TENM3: variants seen among roughly 807,000 people sequenced by gnomAD.
The protein encoded by TENM3 is teneurin transmembrane protein 3.
A neutral mutation model predicts 255.1 loss-of-function variants in TENM3; 63 were observed. That is an observed-to-expected ratio of 0.25 (90% CI 0.20 to 0.30). The LOEUF is 0.30. Among genes scored for constraint, TENM3 ranks in the 10% least tolerant of loss-of-function variants. TENM3 has a pLI of 1.00. For missense variants in TENM3, 2,929 were observed against 3,461.1 expected, an observed-to-expected ratio of 0.85 and a Z score of 3.86; for synonymous variants, 1,306 against 1,322.3, an observed-to-expected ratio of 0.99 and a Z score of 0.27.
the TENM3 span, among the ~76,000 whole-genome samples, chr4:181,920,674 T>G: frequency 1.1e-3 from 167 of 151,782 alleles, 1 homozygote; most frequent in Middle Eastern, 3.4e-3. Context: ...TTTCTCCCAT[T>G]TTGTAGGTTG....
chr4:181,957,219 G>T, the TENM3 span, among the ~76,000 whole-genome samples: 4 of 152,028 alleles, frequency 2.6e-5, no homozygotes, highest in Non-Finnish European at 5.9e-5. Flanking sequence ...TTTGTCTCTC[G>T]GCCATAGAGC....
chr4:181,733,779 T>C, the TENM3 span, among the ~76,000 whole-genome samples: 1 of 152,200 alleles, frequency 6.6e-6, no homozygotes, highest in Non-Finnish European at 1.5e-5. Flanking sequence ...GTTGAGTATC[T>C]GCTTCCCATT....
At chr4:181,553,618 T>C in the TENM3 span, among the ~76,000 whole-genome samples, 1 of 151,896 alleles carries the variant, frequency 6.6e-6, no homozygotes, top group African/African-American at 2.4e-5. Flanking sequence ...ATTTTTTGTA[T>C]TTTTAGTAGA....
intron 1 of TENM3, among the ~76,000 whole-genome samples, chr4:182,198,084 G>T (rs562284905): frequency 6.6e-6 from 1 of 151,950 alleles, no homozygotes; most frequent in Admixed American, 6.6e-5. Flanking sequence ...CAGCCTGGGC[G>T]ACAGAGTGAG....
chr4:181,700,965 C>T, the TENM3 span, among the ~76,000 whole-genome samples: 2 of 152,152 alleles, frequency 1.3e-5, no homozygotes, highest in African/African-American at 4.8e-5. Flanking sequence ...TTATATTTTA[C>T]ACACTTCAAT....
At chr4:182,626,864 A>C (rs1750864831) in intron 4 of TENM3, among the ~76,000 whole-genome samples, 1 of 152,170 alleles carries the variant, frequency 6.6e-6, no homozygotes, top group Non-Finnish European at 1.5e-5. Flanking sequence ...TCTAGTCTCT[A>C]AAAGCTCTAG....
rs537881018 is a variant in TENM3, at chr4:182,775,268, C to A, written c.5304+115C>A. ...CCTATGTCTACACTGAGTATGAGCACCTCGCTCAGTGTGGTTCCAATCCCA... is the reference window on the plus strand; with the variant it reads ...CCTATGTCTACACTGAGTATGAGCAACTCGCTCAGTGTGGTTCCAATCCCA... On this transcript the variant is annotated intron_variant, in intron 24 of 27. Transcript: ENST00000511685. 14 of 901,260 alleles carry A rather than the reference C, an allele frequency of 1.6e-5. 1 individual carries two copies. In the South Asian group the frequency reaches 1.6e-4, roughly 10 times the overall value. 55.8% of individuals were successfully genotyped at this position (901,260 alleles called of 1,614,324 possible).
chr4:181,792,413 A>G, the TENM3 span, among the ~76,000 whole-genome samples: 4 of 152,240 alleles, frequency 2.6e-5, no homozygotes, highest in African/African-American at 9.6e-5. Flanking sequence ...TTCATCATGA[A>G]TTACGCTTAA....
the TENM3 span, among the ~76,000 whole-genome samples, chr4:181,695,504 C>T: frequency 1.2e-4 from 18 of 152,186 alleles, 1 homozygote; most frequent in Non-Finnish European, 1.9e-4. Flanking sequence ...ATAATGAAAT[C>T]CTTGGAGTTC....
At chr4:181,599,495 C>T in the TENM3 span, among the ~76,000 whole-genome samples, 1 of 152,206 alleles carries the variant, frequency 6.6e-6, no homozygotes, top group Non-Finnish European at 1.5e-5. Context: ...CTGAACACAA[C>T]TTATCAGTGG....
At chr4:181,739,364 G>A in the TENM3 span, among the ~76,000 whole-genome samples, 1 of 152,188 alleles carries the variant, frequency 6.6e-6, no homozygotes, top group Non-Finnish European at 1.5e-5. Flanking sequence ...GGTGCCCCTT[G>A]TATTGTCTGG....
chr4:181,592,232 C>A, the TENM3 span, among the ~76,000 whole-genome samples: 1 of 127,558 alleles, frequency 7.8e-6, no homozygotes, highest in East Asian at 2.3e-4. Flanking sequence ...GTCCATTATA[C>A]CTCAATAAAG....
the TENM3 span, among the ~76,000 whole-genome samples, chr4:181,646,002 C>G: frequency 1.3e-5 from 2 of 152,234 alleles, no homozygotes; most frequent in Non-Finnish European, 2.9e-5. Flanking sequence ...ACATACCCAA[C>G]AGAGGTCCAG....
intron 1 of TENM3, among the ~76,000 whole-genome samples, chr4:182,257,947 G>T (rs1758526807): frequency 6.6e-6 from 1 of 151,990 alleles, no homozygotes; most frequent in African/African-American, 2.4e-5. Context: ...TAACTATTTT[G>T]TTGTTTTTAC....
chr4:182,556,383 A>T (rs115232978), intron 3 of TENM3, among the ~76,000 whole-genome samples: 2 of 152,330 alleles, frequency 1.3e-5, no homozygotes. Context: ...TGTAACTTGC[A>T]GTGGAGTAAA....
intron 1 of TENM3, among the ~76,000 whole-genome samples, chr4:182,312,238 G>A (rs1404221235): frequency 1.3e-5 from 2 of 152,202 alleles, no homozygotes; most frequent in African/African-American, 4.8e-5. Flanking sequence ...GCTCACGCCT[G>A]TAGTCCCCAG....
intron 18 of TENM3, among the ~76,000 whole-genome samples, chr4:182,742,247 C>A (rs1761662673): frequency 6.6e-6 from 1 of 152,188 alleles, no homozygotes; most frequent in South Asian, 2.1e-4. Flanking sequence ...TAATTTCTAA[C>A]CATGAAAATA....
intron 3 of TENM3, among the ~76,000 whole-genome samples, chr4:182,542,161 T>G (rs1482198472): frequency 6.6e-6 from 1 of 152,174 alleles, no homozygotes; most frequent in Non-Finnish European, 1.5e-5. Context: ...AACCAAGTAT[T>G]TTATAGCAAA....
chr4:181,569,021 A>T, the TENM3 span, among the ~76,000 whole-genome samples: 21,627 of 152,182 alleles, frequency 0.14, 1,670 homozygotes, highest in African/African-American at 0.21. Context: ...AATGCAGAGT[A>T]ATAGCAAGGA....
Sources: allele counts gnomAD v4.1 joint callset (sites outside exome capture counted in the v4.1 genomes callset), GRCh38; gene constraint gnomAD v4.1.1; transcripts MANE v1.5; gene names NCBI Gene and HGNC (gene_info 2026-07-23, HGNC 2026-07-21).